SHANK2: variants seen among roughly 807,000 people sequenced by gnomAD.
SHANK2 encodes SH3 and multiple ankyrin repeat domains 2, also known as SH3 and multiple ankyrin repeat domains protein 2.
A neutral mutation model predicts 133.7 loss-of-function variants in SHANK2; 43 were observed. The observed-to-expected ratio is 0.32, with a 90% CI of 0.25 to 0.41. The LOEUF (loss-of-function observed/expected upper bound fraction) is 0.41. Among genes scored for constraint, SHANK2 ranks in the 10% least tolerant of loss-of-function variants. The probability of loss-of-function intolerance (pLI) is 1.00; values close to 1 mark genes in which losing one functional copy is unlikely to be tolerated. For missense variants in SHANK2, 1,994 were observed against 2,235.8 expected (o/e 0.89, Z 2.18); for synonymous variants, 1,017 against 952.8 (o/e 1.07, Z -1.24).
At chr11:70,740,523 C>T (rs782515776) in intron 14 of SHANK2, among the ~76,000 whole-genome samples, 3 of 152,176 alleles carry the variant, frequency 2.0e-5, no homozygotes, top group African/African-American at 7.2e-5. Context: ...CAGGGAGTAG[C>T]TGAAGCGCCC....
In SHANK2 at chr11:71,110,025, G is replaced by A; in HGVS notation, c.508C>T (p.His170Tyr). Residue 170 changes from histidine (H) to tyrosine (Y), a missense_variant, in exon 6 of 26, where the codon CAC becomes TAC. By Grantham distance (83) the His-to-Tyr change is moderately conservative (BLOSUM62 2). Coordinates refer to ENST00000601538, the MANE Select transcript of SHANK2 (RefSeq NM_012309.5). ...TKTNLKKCMD[H>Y]IQHRLVEKIT... Reference sequence around the variant, plus strand: ...TTCTCCACCAAGCGATGCTGAATGTGATCCATGCATTTCTTCAGATTGGTC... The same window carrying A: ...TTCTCCACCAAGCGATGCTGAATGTAATCCATGCATTTCTTCAGATTGGTC... The A allele has an allele frequency of 6.4e-7, 1 of 1,551,166 alleles. No individual in the cohort carries two copies. Among genetic ancestry groups the A allele is most frequent in the Non-Finnish European group, 8.7e-7 (1 of 1,146,456 alleles).
chr11:70,782,523 A>G (rs1229354912), intron 14 of SHANK2, among the ~76,000 whole-genome samples: 1 of 152,216 alleles, frequency 6.6e-6, no homozygotes, highest in African/African-American at 2.4e-5. Context: ...TCTCCAAGTT[A>G]TAAGGAGGAC....
chr11:71,138,679 G>A (rs1466169675), intron 3 of SHANK2, among the ~76,000 whole-genome samples: 3 of 151,746 alleles, frequency 2.0e-5, no homozygotes, highest in East Asian at 3.9e-4. Context: ...ATCCCAGTGT[G>A]GTGGCGTGCA....
At chr11:71,104,738 C>A (rs1555097444) in intron 6 of SHANK2, among the ~76,000 whole-genome samples, 1 of 152,178 alleles carries the variant, frequency 6.6e-6, no homozygotes, top group Non-Finnish European at 1.5e-5. Flanking sequence ...CACTTCCCTG[C>A]CCCTCTAACA....
intron 6 of SHANK2, among the ~76,000 whole-genome samples, chr11:71,100,465 C>G (rs1440895436): frequency 6.6e-6 from 1 of 152,222 alleles, no homozygotes; most frequent in Admixed American, 6.5e-5. Context: ...AGCCACAACA[C>G]GATACGAAGG....
In SHANK2 at chr11:70,665,567, T is replaced by G. The variant is rs192995169; in HGVS notation, c.1854-3889A>C. Among the ~76,000 whole-genome samples, 120 of 152,288 alleles carry G rather than the reference T, an allele frequency of 7.9e-4. 1 individual carries two copies. The highest frequency in any genetic ancestry group is 7.8e-3 in the Admixed American group (120 of 15,296). On this transcript the variant is annotated intron_variant, in intron 15 of 25. Coordinates refer to ENST00000601538, the MANE Select transcript of SHANK2 (RefSeq NM_012309.5). The stretch of plus-strand genomic sequence containing the variant: ...AGTCTCTGACATTAAGAAGGACTGT[T>G]TCTAACTTCTCTTTCCGGCATTGTT...
chr11:71,113,588 A>G (rs1951927588), intron 4 of SHANK2, among the ~76,000 whole-genome samples: 2 of 152,324 alleles, frequency 1.3e-5, no homozygotes, highest in East Asian at 3.9e-4. Flanking sequence ...AGCCATATAA[A>G]GAAACAGGAG....
chr11:70,617,063 G>A (rs577945814), intron 17 of SHANK2, among the ~76,000 whole-genome samples: 3 of 152,156 alleles, frequency 2.0e-5, no homozygotes, highest in South Asian at 2.1e-4. Context: ...GTGTGGCAGT[G>A]TCTGAGTGTG....
intron 11 of SHANK2, among the ~76,000 whole-genome samples, chr11:70,874,268 CAATCTAATCT>C (rs1314779349): frequency 6.6e-6 from 1 of 151,964 alleles, no homozygotes; most frequent in South Asian, 2.1e-4. Context: ...TAATCTAATC[CAATCTAATCT>C]AATCTAATCT....
intron 17 of SHANK2, among the ~76,000 whole-genome samples, chr11:70,612,049 G>A (rs1237780935): frequency 1.3e-5 from 2 of 152,148 alleles, no homozygotes; most frequent in Non-Finnish European, 2.9e-5. Context: ...GATCCAGGAA[G>A]GAGGCGGCGT....
At chr11:71,127,940 T>C (rs1952222221) in intron 3 of SHANK2, among the ~76,000 whole-genome samples, 1 of 152,230 alleles carries the variant, frequency 6.6e-6, no homozygotes, top group Non-Finnish European at 1.5e-5. Flanking sequence ...CGCCCCAGCC[T>C]CTGGTGGACC....
At chr11:71,201,281 G>A (rs1256835786) in intron 2 of SHANK2, among the ~76,000 whole-genome samples, 2 of 152,206 alleles carry the variant, frequency 1.3e-5, no homozygotes, top group Non-Finnish European at 2.9e-5. Context: ...GAGAGGTCTC[G>A]GCCACGAGAA....
chr11:70,595,191 G>A (rs2060382760), intron 17 of SHANK2, among the ~76,000 whole-genome samples: 1 of 152,164 alleles, frequency 6.6e-6, no homozygotes, highest in African/African-American at 2.4e-5. Flanking sequence ...GCCACCGGAT[G>A]GAGTGGGGGG....
In SHANK2 at chr11:70,690,488, G is replaced by GTTTT. The variant is rs35737323; in HGVS notation, c.1853+8196_1853+8199dup. 9.3e-3 allele frequency among the ~76,000 whole-genome samples: 306 copies of GTTTT among 32,816 alleles called. 68 individuals are homozygous for GTTTT. Among genetic ancestry groups the GTTTT allele is most frequent in the South Asian group, 0.022 (9 of 412 alleles). 21.5% of individuals were successfully genotyped at this position (32,816 alleles called of 152,430 possible). ...ATCATCATAATGTAATACTTCCCAT[G>GTTTT]TTTTTTTTTTTTTTTTTTTTTTTTT... On this transcript the variant is annotated intron_variant, in intron 15 of 25. Transcript: ENST00000601538.
intron 11 of SHANK2, among the ~76,000 whole-genome samples, chr11:70,825,273 C>T (rs1439134505): frequency 1.3e-5 from 2 of 152,118 alleles, no homozygotes; most frequent in Non-Finnish European, 2.9e-5. Flanking sequence ...AACACCAAAA[C>T]CCCCAACTGA....
chr11:71,085,746 ATATAT>A lies in SHANK2; in HGVS notation c.912+6671_912+6675del, dbSNP rs1297714727. ...TATATAAAATATAATATATTATATA[ATATAT>A]TATGTTATATAATATATATTATATT... On this transcript the variant is annotated intron_variant, in intron 8 of 25. Transcript: ENST00000601538. 3.1e-3 allele frequency among the ~76,000 whole-genome samples: 228 copies of A among 72,912 alleles called. 1 individual carries two copies. Among genetic ancestry groups the A allele is most frequent in the African/African-American group, 0.012 (217 of 17,994 alleles). The allele number at this position is 72,912 out of a possible 152,430, so 47.8% of individuals were successfully genotyped here.
At chr11:70,489,245 G>A in intron 24 of SHANK2, 83 bp downstream of exon 24, 1 of 1,351,406 alleles carries the variant, frequency 7.4e-7, no homozygotes, top group Non-Finnish European at 1.1e-6. Context: ...CTGTTCCCAA[G>A]GAGTACTAAT....
At chr11:70,890,099 CA>C (rs1333127629) in intron 11 of SHANK2, among the ~76,000 whole-genome samples, 1 of 152,102 alleles carries the variant, frequency 6.6e-6, no homozygotes, top group Non-Finnish European at 1.5e-5. Flanking sequence ...TAGAAGGGGA[CA>C]GAGGGACATT....
At chr11:70,612,290 A>AG (rs1554994483) in intron 17 of SHANK2, among the ~76,000 whole-genome samples, 1 of 152,122 alleles carries the variant, frequency 6.6e-6, no homozygotes, top group Non-Finnish European at 1.5e-5. Context: ...GGAAACGCAG[A>AG]GGGGAAAGGA....
Sources: allele counts gnomAD v4.1 joint callset (sites outside exome capture counted in the v4.1 genomes callset), GRCh38; gene constraint gnomAD v4.1.1; transcripts MANE v1.5; gene names NCBI Gene and HGNC (gene_info 2026-07-23, HGNC 2026-07-21).